The following TENM3 variants were observed in gnomAD, a reference collection of about 807,000 sequenced individuals.
TENM3 encodes teneurin transmembrane protein 3.
TENM3 carries 63 observed loss-of-function variants against 255.1 expected under a neutral mutation model. The observed-to-expected ratio is 0.25, with a 90% CI of 0.20 to 0.30. TENM3 has a LOEUF of 0.30. Among genes scored for constraint, TENM3 ranks in the 10% least tolerant of loss-of-function variants. The pLI is 1.00. For synonymous variants in TENM3, 1,306 were observed against 1,322.3 expected (o/e 0.99, Z 0.27); for missense variants, 2,929 against 3,461.1 (o/e 0.85, Z 3.86).
intron 22 of TENM3, among the ~76,000 whole-genome samples, chr4:182,765,405 C>T (rs1377812570): frequency 6.6e-6 from 1 of 152,156 alleles, no homozygotes; most frequent in African/African-American, 2.4e-5. Flanking sequence ...TTGAAATCTT[C>T]AAATCTGTGT....
chr4:181,939,778 G>A, the TENM3 span, among the ~76,000 whole-genome samples: 1 of 152,202 alleles, frequency 6.6e-6, no homozygotes, highest in African/African-American at 2.4e-5. Flanking sequence ...ACCCCAAGGC[G>A]GAGAGGTGTC....
chr4:181,665,538 C>T, the TENM3 span, among the ~76,000 whole-genome samples: 48 of 151,914 alleles, frequency 3.2e-4, no homozygotes, highest in African/African-American at 1.1e-3. Context: ...TGTGTGTATA[C>T]GTATATACTT....
intron 3 of TENM3, among the ~76,000 whole-genome samples, chr4:182,466,444 C>T (rs1199226694): frequency 3.3e-5 from 5 of 152,164 alleles, no homozygotes; most frequent in Non-Finnish European, 5.9e-5. Flanking sequence ...ATCCTCCCAC[C>T]TCAGCCTCCC....
chr4:182,685,115 ATAC>A (rs1001730686), intron 11 of TENM3, among the ~76,000 whole-genome samples: 1 of 152,104 alleles, frequency 6.6e-6, no homozygotes, highest in Non-Finnish European at 1.5e-5. Flanking sequence ...TTGAACTCAT[ATAC>A]TACTTAGAGA....
chr4:181,967,411 A>G, the TENM3 span, among the ~76,000 whole-genome samples: 5 of 152,326 alleles, frequency 3.3e-5, no homozygotes, highest in East Asian at 9.7e-4. Context: ...AGTAGAGGAT[A>G]TTCAATAAAT....
chr4:182,733,828 A>G (rs1760962007), intron 16 of TENM3, among the ~76,000 whole-genome samples: 1 of 152,096 alleles, frequency 6.6e-6, no homozygotes. Flanking sequence ...TCTTGCAGGA[A>G]CTCTAAACTT....
At chr4:181,996,098 G>A in the TENM3 span, among the ~76,000 whole-genome samples, 2 of 150,002 alleles carry the variant, frequency 1.3e-5, no homozygotes, top group African/African-American at 2.5e-5. Context: ...GGCCTTGACC[G>A]CTATTGATCA....
chr4:181,524,102 G>C, the TENM3 span, among the ~76,000 whole-genome samples: 1 of 152,106 alleles, frequency 6.6e-6, no homozygotes, highest in African/African-American at 2.4e-5. Context: ...TGGAAATCAT[G>C]CAAATTTTTC....
At chr4:181,489,661 A>ATG in the TENM3 span, among the ~76,000 whole-genome samples, 1 of 152,188 alleles carries the variant, frequency 6.6e-6, no homozygotes, top group Non-Finnish European at 1.5e-5. Context: ...GTGTACATGC[A>ATG]TGTGTGTGTA....
intron 12 of TENM3, among the ~76,000 whole-genome samples, chr4:182,690,707 T>G (rs1204582287): frequency 6.6e-6 from 1 of 152,232 alleles, no homozygotes; most frequent in Non-Finnish European, 1.5e-5. Context: ...ACAAATCATT[T>G]TAGTGTTGTT....
chr4:182,252,759 A>G (rs1306433050), intron 1 of TENM3, among the ~76,000 whole-genome samples: 1 of 152,124 alleles, frequency 6.6e-6, no homozygotes, highest in Non-Finnish European at 1.5e-5. Flanking sequence ...AAAAGGAAGC[A>G]AATCGGCATT....
At chr4:181,552,914 A>G in the TENM3 span, among the ~76,000 whole-genome samples, 1 of 152,216 alleles carries the variant, frequency 6.6e-6, no homozygotes, top group Non-Finnish European at 1.5e-5. Flanking sequence ...ATGTGTAAAC[A>G]CGTGCGTGTG....
At chr4:181,966,405 C>T in the TENM3 span, among the ~76,000 whole-genome samples, 1 of 152,188 alleles carries the variant, frequency 6.6e-6, no homozygotes, top group Non-Finnish European at 1.5e-5. Context: ...TCTCCAAGCT[C>T]TCTGCAGATT....
intron 3 of TENM3, among the ~76,000 whole-genome samples, chr4:182,434,402 C>T (rs1405768563): frequency 1.3e-5 from 2 of 152,104 alleles, no homozygotes; most frequent in Non-Finnish European, 2.9e-5. Context: ...ATGGCTCACA[C>T]CTATAATCCC....
intron 22 of TENM3, among the ~76,000 whole-genome samples, chr4:182,766,077 T>A (rs1364204184): frequency 6.6e-6 from 1 of 152,196 alleles, no homozygotes; most frequent in Non-Finnish European, 1.5e-5. Context: ...ACTAGAAGCC[T>A]GGCACAGCCC....
chr4:181,740,033 A>G, the TENM3 span, among the ~76,000 whole-genome samples: 1 of 152,158 alleles, frequency 6.6e-6, no homozygotes, highest in African/African-American at 2.4e-5. Context: ...AATTTACCTA[A>G]CTGTAAACAC....
chr4:182,082,772 T>C, the TENM3 span, among the ~76,000 whole-genome samples: 2 of 152,240 alleles, frequency 1.3e-5, no homozygotes, highest in African/African-American at 2.4e-5. Flanking sequence ...ACGAGCCTAG[T>C]GTTTCAAGAA....
At position 182,553,993 on chromosome 4, in the gene TENM3, C is replaced by T. The variant is rs930963328; in HGVS notation, c.512-46931C>T. Among the ~76,000 whole-genome samples, 4 of 152,146 alleles carry T rather than the reference C, an allele frequency of 2.6e-5. No individual in the cohort carries two copies. The South Asian group carries it at 6.2e-4, about 24-fold the overall frequency. On this transcript the variant is annotated intron_variant, in intron 3 of 27. Transcript: ENST00000511685. ...CAGTAATATACTTAGGAAGGTATCT[C>T]AGTTTTTTTCTTCATGAAAACCTTC...
At chr4:181,968,899 G>A in the TENM3 span, among the ~76,000 whole-genome samples, 3 of 151,746 alleles carry the variant, frequency 2.0e-5, no homozygotes, top group Non-Finnish European at 4.4e-5. Context: ...CCTGTGATAT[G>A]CATGACATAT....
Sources: gnomAD v4.1 joint callset for allele counts (sites outside exome capture counted in the v4.1 genomes callset) on GRCh38, gnomAD v4.1.1 for gene constraint, MANE v1.5 for transcripts, NCBI Gene and HGNC (gene_info 2026-07-23, HGNC 2026-07-21) for gene names.